CIITA: variants seen among roughly 807,000 people sequenced by gnomAD.
CIITA encodes the protein class II major histocompatibility complex transactivator, also known as MHC class II transactivator.
Under a neutral mutation model 115.1 loss-of-function variants are expected in CIITA, and 72 were observed. The observed-to-expected ratio is 0.63, with a 90% confidence interval of 0.52 to 0.76. The LOEUF (loss-of-function observed/expected upper bound fraction) is 0.76, where lower values mean the gene tolerates loss of function less well. CIITA is among the 30% of genes least tolerant of loss of function. The pLI is 0.00. For missense variants in CIITA, 1,617 were observed against 1,463.8 expected, an observed-to-expected ratio of 1.10 and a Z score of -1.71; for synonymous variants, 763 against 635.6, an observed-to-expected ratio of 1.20 and a Z score of -3.02.
chr16:10,885,655 C>G (rs1016388716), intron 1 of CIITA, among the ~76,000 whole-genome samples: 1 of 152,194 alleles, frequency 6.6e-6, no homozygotes, highest in Admixed American at 6.5e-5. Flanking sequence ...CTCCCCCATC[C>G]TGCTCCAAGT....
chr16:10,892,134 A>G (rs1233214161), intron 1 of CIITA, among the ~76,000 whole-genome samples: 2 of 151,186 alleles, frequency 1.3e-5, no homozygotes, highest in Non-Finnish European at 3.0e-5. Flanking sequence ...AACCAGCCTG[A>G]CCAACATGGT....
chr16:10,900,544 A>T (rs748653862), intron 5 of CIITA, among the ~76,000 whole-genome samples: 1 of 151,860 alleles, frequency 6.6e-6, no homozygotes, highest in Non-Finnish European at 1.5e-5. Flanking sequence ...GTTTGAGACC[A>T]GCCTGGCCAA....
At chr16:10,906,303 C>A (rs773283110) in intron 10 of CIITA, among the ~76,000 whole-genome samples, 196 bp from the exon 11 acceptor site, 2 of 152,084 alleles carry the variant, frequency 1.3e-5, no homozygotes, top group Non-Finnish European at 2.9e-5. Context: ...GAGGTTGCAG[C>A]GAGCTGTGAT....
At chr16:10,919,220 G>A (rs1426255474) in intron 16 of CIITA, among the ~76,000 whole-genome samples, 1 of 152,088 alleles carries the variant, frequency 6.6e-6, no homozygotes, top group Non-Finnish European at 1.5e-5. Flanking sequence ...TTGAGATGGA[G>A]TCTCGCTCTG....
upstream of CIITA, among the ~76,000 whole-genome samples, chr16:10,873,357 C>T (rs2035614979): frequency 6.6e-6 from 1 of 152,216 alleles, no homozygotes; most frequent in Non-Finnish European, 1.5e-5. Flanking sequence ...GATGTATGAT[C>T]TAATCAGAGG....
rs780966135 is a variant in CIITA, at chr16:10,903,752, A to G, written c.794A>G (p.Gln265Arg). The G allele has an allele frequency of 3.7e-6, 6 of 1,614,090 alleles. No homozygotes were observed. The South Asian group carries it at 4.4e-5, about 12-fold the overall frequency. The change falls in exon 9 of 20, where the codon CAA becomes CGA. Residue 265 changes from glutamine (Q) to arginine (R), a missense_variant. By Grantham distance (43) the Gln-to-Arg change is conservative. Coordinates refer to ENST00000324288, the MANE Select transcript of CIITA (RefSeq NM_000246.4). ...GTAGGTGAGGTGCCCCAGGCCAGCC[A>G]AGTACCCCCTCCCAGTGGATTCACT... ...IYHGEVPQAS[Q>R]VPPPSGFTVH... is the part of the protein sequence containing the mutation.
Position 10,931,877 on chromosome 16 carries a change from T to A in CIITA, c.*8022T>A, listed in dbSNP as rs2040813415. ...CTGCACTATAGCCTAGGTGACAGAG[T>A]GAGACTCTGTCTCAAAAAAACACAA... On this transcript the variant is annotated 3_prime_UTR_variant, in exon 20 of 20. Transcript: ENST00000324288. 6.6e-6 allele frequency: 1 copy of A among 152,112 alleles called. No homozygotes were observed. Among genetic ancestry groups the A allele is most frequent in the African/African-American group, 2.4e-5 (1 of 41,402 alleles). 9.4% of individuals were successfully genotyped at this position (152,112 alleles called of 1,614,324 possible). A position where few individuals can be genotyped will look rare whatever the true frequency, so the allele number is the denominator to read the frequency against.
intron 1 of CIITA, among the ~76,000 whole-genome samples, chr16:10,880,960 C>G (rs986903825): frequency 2.6e-5 from 4 of 152,080 alleles, no homozygotes; most frequent in East Asian, 3.9e-4. Flanking sequence ...TATTATAGAT[C>G]CTAAAGGGAT....
chr16:10,886,182 C>T lies in CIITA; in HGVS notation c.52+8800C>T, dbSNP rs182638589. On this transcript the variant is annotated intron_variant, in intron 1 of 19. Transcript: ENST00000324288. ...CAAACTCCTGACCTCAGGTGATCCA[C>T]CCGCCTCGGCCTCCCAAAGTGCTGG... Among the ~76,000 whole-genome samples the T allele has an allele frequency of 1.4e-3, 216 of 152,080 alleles. 1 individual carries two copies. Among genetic ancestry groups the T allele is most frequent in the South Asian group, 6.2e-4 (3 of 4,812 alleles).
upstream of CIITA, among the ~76,000 whole-genome samples, chr16:10,872,543 C>A (rs1018559669): frequency 2.6e-5 from 4 of 152,208 alleles, no homozygotes; most frequent in Non-Finnish European, 4.4e-5. Context: ...CTCTACCTAC[C>A]TAATCACCCA....
At chr16:10,900,641 A>G (rs1396302254) in intron 5 of CIITA, among the ~76,000 whole-genome samples, 1 of 151,936 alleles carries the variant, frequency 6.6e-6, no homozygotes, top group African/African-American at 2.4e-5. Flanking sequence ...CAGGGAGGCT[A>G]GGGTGGGAGA....
In CIITA at chr16:10,901,603, G is replaced by C; in HGVS notation, c.481+45G>C. ...TGGGGTTGGGAAGGGTGGATGCCTT[G>C]GGGAGGGGATGGAAGAGATTGAACT... is the stretch of plus-strand genomic sequence containing the variant. On this transcript the variant is annotated intron_variant, in intron 6 of 19. Transcript: ENST00000324288. This position sits in a 1 kb window ranked among gnomAD's most constrained non-coding sequence, Gnocchi z 6.8. 6.3e-7 allele frequency: 1 copy of C among 1,595,018 alleles called. No individual in the cohort carries two copies.
In CIITA at chr16:10,908,167, G is replaced by C; in HGVS notation, c.2657+18G>C. 6.4e-7 allele frequency: 1 copy of C among 1,552,974 alleles called. No homozygotes were observed. On this transcript the variant is annotated intron_variant, in intron 11 of 19. Coordinates refer to ENST00000324288, the MANE Select transcript of CIITA (RefSeq NM_000246.4). ...CGTTTCAGGTGGGGTGAGGGGCTTG[G>C]GGAAGAGACATCCTTGTGTTGGGCA...
At chr16:10,892,057 C>G (rs1387031952) in intron 1 of CIITA, among the ~76,000 whole-genome samples, 1 of 152,178 alleles carries the variant, frequency 6.6e-6, no homozygotes, top group African/African-American at 2.4e-5. Context: ...GGTGTGGTGG[C>G]TCACACCTGT....
chr16:10,886,997 T>G (rs887313460), intron 1 of CIITA, among the ~76,000 whole-genome samples: 2 of 152,248 alleles, frequency 1.3e-5, no homozygotes, highest in African/African-American at 4.8e-5. Context: ...AGTGACTTTC[T>G]TACGGGGTGC....
chr16:10,911,366 G>GTTTC (rs1424300814), intron 13 of CIITA, among the ~76,000 whole-genome samples: 1 of 56,974 alleles, frequency 1.8e-5, no homozygotes, highest in African/African-American at 6.4e-5. Context: ...CTTTCTCTCT[G>GTTTC]TTTCTTTCTT....
intron 12 of CIITA, among the ~76,000 whole-genome samples, chr16:10,909,606 G>A (rs2039419214): frequency 6.6e-6 from 1 of 152,220 alleles, no homozygotes; most frequent in African/African-American, 2.4e-5. Flanking sequence ...CAAGTTAACT[G>A]TCTTTCATTC....
In CIITA at chr16:10,907,752, G is replaced by A. The variant is rs757699642; in HGVS notation, c.2260G>A (p.Val754Met). The change falls in exon 11 of 20, where the codon GTG (valine) becomes ATG (methionine). Residue 754 changes from valine (V) to methionine (M), a missense_variant. Physicochemically the swap from Val to Met is conservative, Grantham distance 21 (BLOSUM62 1). Transcript: ENST00000324288. The surrounding 1 kb of genome is among the most constrained non-coding windows in gnomAD (Gnocchi z 5.0). ...KRPYDNWLEG[V>M]PRFLAGLIFQ... is the part of the protein sequence containing the mutation. The stretch of plus-strand genomic sequence containing the variant: ...GCCCTATGACAACTGGCTGGAGGGC[G>A]TGCCACGCTTTCTGGCTGGGCTGAT... 3.1e-6 allele frequency: 5 copies of A among 1,614,252 alleles called. No homozygotes were observed. The highest frequency in any genetic ancestry group is 1.3e-5 in the African/African-American group (1 of 75,066).
intron 7 of CIITA, 95 bp downstream of exon 7, chr16:10,902,279 CACCTCTCCCCA>C (rs1567406235): frequency 1.3e-6 from 2 of 1,516,442 alleles, no homozygotes; most frequent in Non-Finnish European, 9.0e-7. Context: ...AACTGGACCT[CACCTCTCCCCA>C]ACCCTATCAG....
Sources: gnomAD v4.1 joint callset for allele counts (sites outside exome capture counted in the v4.1 genomes callset) on GRCh38, gnomAD v4.1.1 for gene constraint, Gnocchi (gnomAD v3.1) non-coding constraint, MANE v1.5 for transcripts, NCBI Gene and HGNC (gene_info 2026-07-23, HGNC 2026-07-21) for gene names.